Variants in TAPT1 observed in about 807,000 individuals in gnomAD.
TAPT1 encodes the protein transmembrane anterior posterior transformation protein 1 homolog.
In TAPT1, 28 loss-of-function variants were observed where a neutral mutation model predicts 65.6. The ratio of observed to expected loss-of-function variants is 0.43; its 90% CI spans 0.32 to 0.59. TAPT1 has a LOEUF of 0.59. Among genes scored for constraint, TAPT1 ranks in the 20% least tolerant of loss-of-function variants. The pLI is 0.09. For missense variants in TAPT1, 563 were observed against 679.9 expected (o/e 0.83, Z 1.91); for synonymous variants, 278 against 245.2 (o/e 1.13, Z -1.25).
intron 13 of TAPT1, among the ~76,000 whole-genome samples, chr4:16,165,915 T>C (rs546645673): frequency 3.3e-5 from 5 of 152,238 alleles, no homozygotes; most frequent in African/African-American, 9.6e-5. Flanking sequence ...AGCTTGAGAA[T>C]GATCCTTTTA....
At chr4:16,196,200 C>A (rs949182010) in intron 3 of TAPT1, among the ~76,000 whole-genome samples, 1 of 152,102 alleles carries the variant, frequency 6.6e-6, no homozygotes, top group Non-Finnish European at 1.5e-5. Context: ...TTCAGTTTGA[C>A]TCATATGTAA....
At chr4:16,183,287 T>A (rs1284940357) in intron 7 of TAPT1, among the ~76,000 whole-genome samples, 1 of 152,194 alleles carries the variant, frequency 6.6e-6, no homozygotes, top group Non-Finnish European at 1.5e-5. Flanking sequence ...TAACATGAGC[T>A]ACTTTGCTTA....
chr4:16,168,903 G>T (rs1453059110), intron 12 of TAPT1, among the ~76,000 whole-genome samples: 2 of 152,264 alleles, frequency 1.3e-5, no homozygotes, highest in Admixed American at 6.5e-5. Context: ...ACCTTAGCTG[G>T]CAAGAGTGAG....
intron 12 of TAPT1, 27 bp from the exon 13 acceptor site, chr4:16,166,820 A>G: frequency 3.7e-6 from 6 of 1,609,116 alleles, no homozygotes; most frequent in Non-Finnish European, 5.1e-6. Context: ...AACAAACCAC[A>G]TCCGTTGGAA....
At chr4:16,181,680 G>C (rs1189907252) in intron 7 of TAPT1, among the ~76,000 whole-genome samples, 1 of 152,146 alleles carries the variant, frequency 6.6e-6, no homozygotes, top group Non-Finnish European at 1.5e-5. Flanking sequence ...CAATTCTCCT[G>C]TCTCAGCCTC....
At chr4:16,224,227 G>C (rs777255136) in intron 1 of TAPT1, among the ~76,000 whole-genome samples, 5 of 152,094 alleles carry the variant, frequency 3.3e-5, no homozygotes, top group Non-Finnish European at 5.9e-5. Context: ...CTAGGGAATC[G>C]TTTTTAAAAA....
intron 9 of TAPT1, among the ~76,000 whole-genome samples, chr4:16,175,446 T>G (rs919433810): frequency 6.6e-6 from 1 of 152,156 alleles, no homozygotes; most frequent in African/African-American, 2.4e-5. Context: ...TAATTGCCTT[T>G]TGAAACAAAA....
At chr4:16,177,291 G>A (rs1325540179) in intron 8 of TAPT1, among the ~76,000 whole-genome samples, 1 of 152,090 alleles carries the variant, frequency 6.6e-6, no homozygotes, top group Non-Finnish European at 1.5e-5. Context: ...TTTTTTTAAT[G>A]CCAATTCAGT....
chr4:16,220,815 G>A (rs1163850594), intron 1 of TAPT1, among the ~76,000 whole-genome samples: 2 of 150,398 alleles, frequency 1.3e-5, no homozygotes, highest in Non-Finnish European at 3.0e-5. Context: ...GAAGAACTAT[G>A]TTTTGACAAC....
In TAPT1 at chr4:16,187,602, GA is replaced by G. The variant is rs201170937; in HGVS notation, c.748+617del. 6.7e-4 allele frequency among the ~76,000 whole-genome samples: 95 copies of G among 141,374 alleles called. 1 individual carries two copies. The highest frequency in any genetic ancestry group is 3.7e-3 in the Middle Eastern group (1 of 270). 92.7% of individuals were successfully genotyped at this position (141,374 alleles called of 152,430 possible). ...TTCAAGTGTCACTGTTACAGAGATAGAAAAAAAAAAAAGTGACTCATTCTTG... is the reference window on the plus strand; with the variant it reads ...TTCAAGTGTCACTGTTACAGAGATAGAAAAAAAAAAAGTGACTCATTCTTG... On this transcript the variant is annotated intron_variant, in intron 5 of 13. Coordinates refer to ENST00000405303, the MANE Select transcript of TAPT1 (RefSeq NM_153365.3).
intron 3 of TAPT1, among the ~76,000 whole-genome samples, chr4:16,197,979 G>T (rs1020256924): frequency 6.6e-6 from 1 of 152,094 alleles, no homozygotes; most frequent in Admixed American, 6.5e-5. Context: ...TTTAGGGAGG[G>T]AGTGCATCCT....
At chr4:16,206,617 C>G (rs1286592078) in intron 2 of TAPT1, among the ~76,000 whole-genome samples, 1 of 151,842 alleles carries the variant, frequency 6.6e-6, no homozygotes, top group Non-Finnish European at 1.5e-5. Flanking sequence ...AGGGAGTGGT[C>G]AGCACGAAGC....
At chr4:16,214,978 G>A (rs995129611) in intron 1 of TAPT1, among the ~76,000 whole-genome samples, 5 of 152,092 alleles carry the variant, frequency 3.3e-5, no homozygotes, top group Admixed American at 6.6e-5. Flanking sequence ...CTACATGTGA[G>A]GGGGGAAGCG....
chr4:16,164,146 CTTCT>C (rs902654574), intron 13 of TAPT1, among the ~76,000 whole-genome samples: 2 of 152,136 alleles, frequency 1.3e-5, no homozygotes, highest in Non-Finnish European at 2.9e-5. Flanking sequence ...GTAAGAACAG[CTTCT>C]TTGAGGCAAA....
At chr4:16,167,748 G>T (rs146358072) in intron 12 of TAPT1, among the ~76,000 whole-genome samples, 1 of 152,036 alleles carries the variant, frequency 6.6e-6, no homozygotes, top group African/African-American at 2.4e-5. Context: ...TATTATTGTT[G>T]TTATTTATAT....
At chr4:16,199,279 G>C (rs1749897355) in intron 3 of TAPT1, among the ~76,000 whole-genome samples, 1 of 152,146 alleles carries the variant, frequency 6.6e-6, no homozygotes, top group Non-Finnish European at 1.5e-5. Flanking sequence ...ATAGTAAGAA[G>C]TGTTTGCAGG....
In TAPT1 at chr4:16,213,800, T is replaced by C; in HGVS notation, c.298A>G (p.Thr100Ala). Residue 100 changes from threonine (T) to alanine (A), a missense_variant, in exon 2 of 14, where the codon ACT becomes GCT. Physicochemically the swap from Thr to Ala is moderately conservative, Grantham distance 58. Transcript: ENST00000405303. ...AATTCTCTTGGTATTCGCAAACAAG[T>C]GTATACTCTTTCTCTTCTTTCTGTA... ...KYTERRERVY[T>A]CLRIPRELEK... The C allele has an allele frequency of 2.5e-6, 4 of 1,601,618 alleles. No homozygotes were observed. Among genetic ancestry groups the C allele is most frequent in the Non-Finnish European group, 3.4e-6 (4 of 1,176,694 alleles).
At position 16,173,602 on chromosome 4, in the gene TAPT1, G is replaced by A. The variant is rs1487204100; in HGVS notation, c.1236+602C>T. ...AAAGCAGGAATTTTCATTGCAAAAA[G>A]TTTGGACAATTTTTAAAAAGTATTA... On this transcript the variant is annotated intron_variant, in intron 11 of 13. Transcript: ENST00000405303. Among the ~76,000 whole-genome samples, 3 of 152,030 alleles carry A rather than the reference G, an allele frequency of 2.0e-5. No homozygotes were observed. The East Asian group carries it at 5.8e-4, about 29-fold the overall frequency.
chr4:16,166,989 C>CTAT, intron 12 of TAPT1, 196 bp from the exon 13 acceptor site: 1 of 292,812 alleles, frequency 3.4e-6, no homozygotes. Flanking sequence ...TTCCTTAGTT[C>CTAT]TCTTTTTTTT....
Sources: allele counts gnomAD v4.1 joint callset (sites outside exome capture counted in the v4.1 genomes callset), GRCh38; gene constraint gnomAD v4.1.1; transcripts MANE v1.5; gene names NCBI Gene and HGNC (gene_info 2026-07-23, HGNC 2026-07-21).